SHANK2: variants seen among roughly 807,000 people sequenced by gnomAD.
The protein encoded by SHANK2 is SH3 and multiple ankyrin repeat domains protein 2.
In SHANK2, 43 loss-of-function variants were observed where a neutral mutation model predicts 133.7. That is an observed-to-expected ratio of 0.32 (90% confidence interval 0.25 to 0.41). SHANK2 has a LOEUF of 0.41. SHANK2 is among the 10% of genes least tolerant of loss of function. The pLI is 1.00. For missense variants in SHANK2, 1,994 were observed against 2,235.8 expected (o/e 0.89, Z 2.18); for synonymous variants, 1,017 against 952.8 (o/e 1.07, Z -1.24).
At chr11:70,948,089 C>T (rs782759835) in intron 10 of SHANK2, among the ~76,000 whole-genome samples, 1 of 152,026 alleles carries the variant, frequency 6.6e-6, no homozygotes, top group African/African-American at 2.4e-5. Flanking sequence ...GATGCCTTTC[C>T]CTCTGACATC....
intron 14 of SHANK2, among the ~76,000 whole-genome samples, chr11:70,787,182 CCAA>C (rs138124980): frequency 0.17 from 23,791 of 143,626 alleles, 2,430 homozygotes; most frequent in African/African-American, 0.24. Flanking sequence ...ATGACCACCA[CCAA>C]CACCAGCATC....
At chr11:70,585,728 C>G (rs1355415696) in intron 17 of SHANK2, among the ~76,000 whole-genome samples, 1 of 151,816 alleles carries the variant, frequency 6.6e-6, no homozygotes, top group Non-Finnish European at 1.5e-5. Context: ...CTCATTCGTC[C>G]ATCCAACTAG....
chr11:70,949,131 A>G (rs1209590268), intron 10 of SHANK2, among the ~76,000 whole-genome samples: 1 of 152,222 alleles, frequency 6.6e-6, no homozygotes, highest in African/African-American at 2.4e-5. Context: ...AAACACACCA[A>G]AAGAAGAAGG....
intron 17 of SHANK2, among the ~76,000 whole-genome samples, chr11:70,609,899 C>T (rs1230315919): frequency 2.8e-5 from 1 of 35,352 alleles, no homozygotes; most frequent in Non-Finnish European, 6.4e-5. Context: ...CAGATCCACA[C>T]TACAACAGGG....
rs1954612304 is a variant in SHANK2, at chr11:71,224,694, C to T, written c.-13+3G>A. 6.6e-6 allele frequency: 1 copy of T among 152,220 alleles called. No individual in the cohort carries two copies. Among genetic ancestry groups the T allele is most frequent in the Admixed American group, 6.5e-5 (1 of 15,274 alleles). The allele number at this position is 152,220 out of a possible 1,614,324, so 9.4% of individuals were successfully genotyped here. ...AAGGACAGGGGAAAATGTTATAACT[C>T]ACCAGAGGTGTTGGGAGACTGAGCC... is the stretch of plus-strand genomic sequence containing the variant. On this transcript the variant is annotated splice_donor_region_variant and intron_variant, in intron 2 of 25. Coordinates refer to ENST00000601538, the MANE Select transcript of SHANK2 (RefSeq NM_012309.5).
At chr11:71,065,505 A>G in intron 9 of SHANK2, among the ~76,000 whole-genome samples, 1 of 101,314 alleles carries the variant, frequency 9.9e-6, no homozygotes, top group East Asian at 3.4e-4. Flanking sequence ...GTGAGTGGGG[A>G]AGTTGGGGTG....
At chr11:71,082,843 G>A (rs1370673014) in intron 8 of SHANK2, among the ~76,000 whole-genome samples, 3 of 152,186 alleles carry the variant, frequency 2.0e-5, no homozygotes, top group African/African-American at 7.2e-5. Flanking sequence ...CATTCAGACT[G>A]ATGTCACACC....
At chr11:71,061,788 A>G (rs1052886668) in intron 9 of SHANK2, among the ~76,000 whole-genome samples, 61,299 of 151,710 alleles carry the variant, frequency 0.4, 12,809 homozygotes, top group Non-Finnish European at 0.44. Flanking sequence ...CTTCTCCACC[A>G]GGATGAGACA....
intron 14 of SHANK2, among the ~76,000 whole-genome samples, chr11:70,755,429 T>C (rs922502438): frequency 2.0e-5 from 3 of 152,224 alleles, no homozygotes; most frequent in Admixed American, 1.3e-4. Flanking sequence ...GCAGAAACTG[T>C]GTGCAGGGGT....
At position 71,070,788 on chromosome 11, in the gene SHANK2, C is replaced by T. The variant is rs1951132890; in HGVS notation, c.1029+4371G>A. On this transcript the variant is annotated intron_variant, in intron 9 of 25. Coordinates refer to ENST00000601538, the MANE Select transcript of SHANK2 (RefSeq NM_012309.5). The stretch of plus-strand genomic sequence containing the variant: ...AATCGTTATGACGGAGTCCATGCGA[C>T]ACGCAAAGCCTAAAATGTTACCCAA... 2.6e-5 allele frequency among the ~76,000 whole-genome samples: 4 copies of T among 152,266 alleles called. No homozygotes were observed. In the South Asian group the frequency reaches 8.3e-4, roughly 32 times the overall value.
intron 17 of SHANK2, among the ~76,000 whole-genome samples, chr11:70,557,940 A>T (rs1282888009): frequency 6.6e-6 from 1 of 152,218 alleles, no homozygotes; most frequent in Non-Finnish European, 1.5e-5. Flanking sequence ...CCCCTTCAAA[A>T]TGACAGTCTT....
chr11:70,839,893 G>C (rs772721980), intron 11 of SHANK2, among the ~76,000 whole-genome samples: 22 of 152,186 alleles, frequency 1.4e-4, no homozygotes, highest in Non-Finnish European at 3.1e-4. Flanking sequence ...CCAGGGCCGA[G>C]CTGGCAGCAT....
intron 17 of SHANK2, among the ~76,000 whole-genome samples, chr11:70,637,632 C>T (rs1255785076): frequency 6.6e-6 from 1 of 152,240 alleles, no homozygotes; most frequent in East Asian, 1.9e-4. Context: ...CTCAGGAAGG[C>T]CGGGGCACAA....
intron 2 of SHANK2, among the ~76,000 whole-genome samples, chr11:71,152,810 C>CCTTG (rs1555108363): frequency 2.0e-5 from 3 of 152,144 alleles, no homozygotes; most frequent in Non-Finnish European, 4.4e-5. Context: ...AGGGTCTTGA[C>CCTTG]CTTGGTAAGG....
intron 17 of SHANK2, 115 bp downstream of exon 17, chr11:70,659,713 G>T: frequency 7.8e-7 from 1 of 1,286,058 alleles, no homozygotes. Context: ...GTTCATGGCA[G>T]CCTCCACAAG....
chr11:70,873,260 T>G, intron 11 of SHANK2: 1 of 397,372 alleles, frequency 2.5e-6, no homozygotes, highest in Non-Finnish European at 5.2e-6. Flanking sequence ...TTGGAAGGCA[T>G]TAACATCCTC....
At chr11:70,510,722 T>C (rs1451476012) in intron 17 of SHANK2, among the ~76,000 whole-genome samples, 1 of 152,184 alleles carries the variant, frequency 6.6e-6, no homozygotes, top group Non-Finnish European at 1.5e-5. Context: ...CTCTGCCTTG[T>C]GCGAGTCATA....
intron 2 of SHANK2, among the ~76,000 whole-genome samples, chr11:71,154,765 G>A (rs1417953285): frequency 2.7e-5 from 2 of 73,716 alleles, no homozygotes; most frequent in Admixed American, 1.6e-4. Context: ...CCCCGCCCAC[G>A]CTCCCAGAGG....
chr11:71,184,421 C>T (rs1442741193), intron 2 of SHANK2, among the ~76,000 whole-genome samples: 1 of 152,168 alleles, frequency 6.6e-6, no homozygotes, highest in Non-Finnish European at 1.5e-5. Context: ...TCGCTGGCTT[C>T]ATGGGGCCCT....
Sources: gnomAD v4.1 joint callset for allele counts (sites outside exome capture counted in the v4.1 genomes callset) on GRCh38, gnomAD v4.1.1 for gene constraint, MANE v1.5 for transcripts, NCBI Gene and HGNC (gene_info 2026-07-23, HGNC 2026-07-21) for gene names.